Variants in TRDMT1 observed in about 807,000 individuals in gnomAD.
TRDMT1 encodes tRNA aspartic acid methyltransferase 1.
In TRDMT1, 49 loss-of-function variants were observed where a neutral mutation model predicts 51.2. The ratio of observed to expected loss-of-function variants is 0.96; its 90% CI spans 0.76 to 1.21. The LOEUF is 1.21. TRDMT1 is among the 50% of genes most tolerant of loss of function. The pLI, the probability that TRDMT1 is intolerant of heterozygous loss-of-function variation, is 0.00. For synonymous variants in TRDMT1, 187 were observed against 164.6 expected, an observed-to-expected ratio of 1.14 and a Z score of -1.04; for missense variants, 534 against 462.3, an observed-to-expected ratio of 1.16 and a Z score of -1.42.
chr10:17,150,659 G>C (rs1235218316), intron 10 of TRDMT1: 1 of 985,038 alleles, frequency 1.0e-6, no homozygotes, highest in Non-Finnish European at 1.2e-6. Context: ...GGAGCATTAA[G>C]AATAGCAAAA....
chr10:17,157,985 G>A (rs1033573196), intron 7 of TRDMT1, among the ~76,000 whole-genome samples: 6 of 152,132 alleles, frequency 3.9e-5, no homozygotes, highest in African/African-American at 1.4e-4. Flanking sequence ...TCAGGCTGCA[G>A]ATGATTTATT....
intron 1 of TRDMT1, among the ~76,000 whole-genome samples, chr10:17,195,848 T>C (rs1470261266): frequency 6.6e-6 from 1 of 152,196 alleles, no homozygotes; most frequent in African/African-American, 2.4e-5. Flanking sequence ...GTTGCTTCAC[T>C]TTAAATATGA....
At chr10:17,170,542 G>T (rs1841821099) in intron 2 of TRDMT1, among the ~76,000 whole-genome samples, 1 of 152,156 alleles carries the variant, frequency 6.6e-6, no homozygotes, top group Non-Finnish European at 1.5e-5. Context: ...TATTTTCTCA[G>T]AAAGTTTTCT....
At chr10:17,162,429 C>G (rs1436545917) in intron 3 of TRDMT1, among the ~76,000 whole-genome samples, 192 bp from the exon 4 acceptor site, 1 of 152,048 alleles carries the variant, frequency 6.6e-6, no homozygotes, top group Admixed American at 6.6e-5. Flanking sequence ...AAAAGGGGTC[C>G]AGGCGCAGAG....
At position 17,140,305 on chromosome 10, in the gene TRDMT1, C is replaced by T. The variant is rs560322239; in HGVS notation, c.*8735G>A. Among the ~76,000 whole-genome samples the T allele has an allele frequency of 1.3e-5, 2 of 150,574 alleles. No homozygotes were observed. The highest frequency in any genetic ancestry group is 2.0e-4 in the East Asian group (1 of 5,116). ...TCCTGACCTCATGGTCCGTTCACTT[C>T]GACCTCCCAAAGTGCTGGGATTACA... On this transcript the variant is annotated 3_prime_UTR_variant, in exon 11 of 11. Transcript: ENST00000377799.
In TRDMT1 at chr10:17,153,560, C is replaced by T. The variant is rs143289233; in HGVS notation, c.1022G>A (p.Arg341Gln). Reference protein sequence around the residue: ...QITKLLILKLRYFTPKEIANL... With the variant: ...QITKLLILKLQYFTPKEIANL... ...TGCTATTTCTTTAGGAGTGAAATATCGCAGTTTAAGTATTAACAGCTTTGT... is the reference window on the plus strand; with the variant it reads ...TGCTATTTCTTTAGGAGTGAAATATTGCAGTTTAAGTATTAACAGCTTTGT... The change falls in exon 10 of 11, where the codon CGA becomes CAA. Residue 341 changes from arginine to glutamine, a missense_variant. Arg to Gln is a conservative substitution (Grantham distance 43, BLOSUM62 1). Transcript: ENST00000377799. 44 of 1,613,580 alleles carry T rather than the reference C, an allele frequency of 2.7e-5. No individual in the cohort carries two copies. The highest frequency in any genetic ancestry group is 1.6e-4 in the Middle Eastern group (1 of 6,082).
At chr10:17,189,030 G>C (rs1183168181) in intron 1 of TRDMT1, among the ~76,000 whole-genome samples, 2 of 152,008 alleles carry the variant, frequency 1.3e-5, no homozygotes, top group African/African-American at 4.8e-5. Flanking sequence ...GTTTCTTCAG[G>C]CTAATGTAGT....
chr10:17,186,842 CA>C (rs2131584929), intron 1 of TRDMT1, among the ~76,000 whole-genome samples: 1 of 152,238 alleles, frequency 6.6e-6, no homozygotes, highest in Non-Finnish European at 1.5e-5. Context: ...GAGTATGATA[CA>C]ACCATTAAAA....
chr10:17,157,580 C>T lies in TRDMT1; in HGVS notation c.748G>A (p.Val250Met), dbSNP rs1265684200. The T allele has an allele frequency of 6.2e-7, 1 of 1,614,040 alleles. No individual in the cohort carries two copies. ...TCAAGAAAATCTTTTAGCATTTTCACAGAGAGATCACTATCTTGTTGATTT... is the reference window on the plus strand; with the variant it reads ...TCAAGAAAATCTTTTAGCATTTTCATAGAGAGATCACTATCTTGTTGATTT... Reference protein sequence around the residue: ...RKNQQDSDLSVKMLKDFLEDD... With the variant: ...RKNQQDSDLSMKMLKDFLEDD... The change falls in exon 8 of 11, where the codon GTG becomes ATG. Residue 250 changes from valine (V) to methionine (M), a missense_variant. By Grantham distance (21) the Val-to-Met change is conservative. Transcript: ENST00000377799.
At position 17,155,659 on chromosome 10, in the gene TRDMT1, T is replaced by C. The variant is rs138912100; in HGVS notation, c.888-925A>G. ...AAATGCAAGTCATTAGCAGTATTTC[T>C]CTCTCTAAGATTATTGCCAAGCTGG... is the stretch of plus-strand genomic sequence containing the variant. On this transcript the variant is annotated intron_variant, in intron 8 of 10. Transcript: ENST00000377799. Among the ~76,000 whole-genome samples, 13 of 152,028 alleles carry C rather than the reference T, an allele frequency of 8.6e-5. No homozygotes were observed. In the East Asian group the frequency reaches 1.7e-3, roughly 20 times the overall value.
chr10:17,178,936 T>A (rs1842944496), intron 1 of TRDMT1, among the ~76,000 whole-genome samples: 1 of 152,096 alleles, frequency 6.6e-6, no homozygotes, highest in Non-Finnish European at 1.5e-5. Context: ...TATGAAATTA[T>A]CACGTCCTTG....
chr10:17,148,222 A>G lies in TRDMT1; in HGVS notation c.*818T>C. ...AAAGAACAACTGGGGGGAGGGGAGT[A>G]CTGTCATATGACATGGGATCAGAGG... On this transcript the variant is annotated 3_prime_UTR_variant, in exon 11 of 11. Transcript: ENST00000377799. The G allele has an allele frequency of 4.1e-6, 4 of 985,460 alleles. No individual in the cohort carries two copies. The highest frequency in any genetic ancestry group is 4.8e-6 in the Non-Finnish European group (4 of 829,950). The allele number at this position is 985,460 out of a possible 1,614,324, so 61.0% of individuals were successfully genotyped here.
At chr10:17,200,859 G>GT (rs1453509982) in intron 1 of TRDMT1, among the ~76,000 whole-genome samples, 5 of 152,134 alleles carry the variant, frequency 3.3e-5, no homozygotes, top group African/African-American at 1.2e-4. Context: ...TGGTTACAAT[G>GT]TATCAGGCAC....
In TRDMT1 at chr10:17,143,765, T is replaced by C. The variant is rs1361042023; in HGVS notation, c.*5275A>G. ...GGCCATTTTAACAGAAGCTGACCAA[T>C]GGAATGCAGAGTGAGAAGGAAGGTG... On this transcript the variant is annotated 3_prime_UTR_variant, in exon 11 of 11. Transcript: ENST00000377799. 4.1e-6 allele frequency: 4 copies of C among 985,238 alleles called. No homozygotes were observed. Among genetic ancestry groups the C allele is most frequent in the African/African-American group, 1.7e-5 (1 of 57,206 alleles). 61.0% of individuals were successfully genotyped at this position (985,238 alleles called of 1,614,324 possible). A position where few individuals can be genotyped will look rare whatever the true frequency, so the allele number is the denominator to read the frequency against.
chr10:17,187,663 G>C (rs938037680), intron 1 of TRDMT1, among the ~76,000 whole-genome samples: 36 of 152,134 alleles, frequency 2.4e-4, no homozygotes, highest in African/African-American at 8.7e-4. Context: ...AAATATGATA[G>C]GCAGTAATAA....
In TRDMT1 at chr10:17,190,519, A is replaced by G. The variant is rs907037110; in HGVS notation, c.64+11052T>C. The stretch of plus-strand genomic sequence containing the variant: ...GATTTAAATTTTACAGTGAGTAAAG[A>G]CCAATTTATTCTCAAAAGCCCTGAT... On this transcript the variant is annotated intron_variant, in intron 1 of 10. Coordinates refer to ENST00000377799, the MANE Select transcript of TRDMT1 (RefSeq NM_004412.7). 3.9e-5 allele frequency among the ~76,000 whole-genome samples: 6 copies of G among 152,068 alleles called. No individual in the cohort carries two copies. In the South Asian group the frequency reaches 6.2e-4, roughly 16 times the overall value.
In TRDMT1 at chr10:17,139,608, A is replaced by G. The variant is rs1177179745; in HGVS notation, c.*9432T>C. ...GCCTCTTGTACCTTTAATTGGGAAG[A>G]TAGACGCAGAAGCAGTACACACAGG... On this transcript the variant is annotated 3_prime_UTR_variant, in exon 11 of 11. Transcript: ENST00000377799. Among the ~76,000 whole-genome samples, 1 of 152,198 alleles carries G rather than the reference A, an allele frequency of 6.6e-6. No homozygotes were observed. The highest frequency in any genetic ancestry group is 2.4e-5 in the African/African-American group (1 of 41,452).
chr10:17,148,819 T>G lies in TRDMT1; in HGVS notation c.*221A>C. ...TATTTATCAGTTTCATATGAAAATATACTCTCCATAAAGCATAACAATAGT... is the reference window on the plus strand; with the variant it reads ...TATTTATCAGTTTCATATGAAAATAGACTCTCCATAAAGCATAACAATAGT... On this transcript the variant is annotated 3_prime_UTR_variant, in exon 11 of 11. Coordinates refer to ENST00000377799, the MANE Select transcript of TRDMT1 (RefSeq NM_004412.7). The G allele has an allele frequency of 9.1e-7, 1 of 1,101,224 alleles. No individual in the cohort carries two copies. The highest frequency in any genetic ancestry group is 4.3e-5 in the East Asian group (1 of 23,070). 68.2% of individuals were successfully genotyped at this position (1,101,224 alleles called of 1,614,324 possible).
intron 1 of TRDMT1, 144 bp from the exon 2 acceptor site, chr10:17,174,804 A>G (rs7090965): frequency 0.43 from 274,442 of 640,628 alleles, 60,292 homozygotes; most frequent in Non-Finnish European, 0.47. Context: ...AGGTCAGGCC[A>G]GGGGAAGCCA....
Sources: gnomAD v4.1 joint callset for allele counts (sites outside exome capture counted in the v4.1 genomes callset) on GRCh38, gnomAD v4.1.1 for gene constraint, MANE v1.5 for transcripts, NCBI Gene and HGNC (gene_info 2026-07-23, HGNC 2026-07-21) for gene names.